SOX5: variants seen among roughly 807,000 people sequenced by gnomAD.
The protein encoded by SOX5 is SRY-box transcription factor 5, also known as transcription factor SOX-5.
In SOX5, 9 loss-of-function variants were observed where a neutral mutation model predicts 92.0. That is an observed-to-expected ratio of 0.10 (90% confidence interval 0.06 to 0.17). The LOEUF (loss-of-function observed/expected upper bound fraction) is 0.17. Ranked by LOEUF, SOX5 falls within the 10% of genes least tolerant of loss-of-function variation. The pLI is 1.00. For missense variants in SOX5, 642 were observed against 944.5 expected (o/e 0.68, Z 4.20); for synonymous variants, 344 against 336.3 (o/e 1.02, Z -0.25).
intron 1 of SOX5, among the ~76,000 whole-genome samples, chr12:24,449,514 G>A (rs1020448389): frequency 3.9e-5 from 6 of 152,128 alleles, no homozygotes; most frequent in South Asian, 2.1e-4. Context: ...AGCAGTTACC[G>A]CTCGTTGACA....
intron 1 of SOX5, among the ~76,000 whole-genome samples, chr12:24,467,994 A>G (rs531039199): frequency 1.3e-3 from 202 of 152,280 alleles, no homozygotes; most frequent in African/African-American, 4.8e-3. Context: ...AAGATAACAT[A>G]ATTAGAATTT....
chr12:24,017,386 G>A (rs1454219955), intron 4 of SOX5, among the ~76,000 whole-genome samples: 1 of 151,912 alleles, frequency 6.6e-6, no homozygotes, highest in African/African-American at 2.4e-5. Flanking sequence ...ATCACTTGAG[G>A]CCAGTTCAAG....
chr12:23,572,568 GA>G (rs1948544232), intron 10 of SOX5, among the ~76,000 whole-genome samples: 1 of 151,866 alleles, frequency 6.6e-6, no homozygotes. Context: ...GAATGCTAAA[GA>G]AAAAATATTC....
chr12:23,777,601 T>C (rs1330580276), intron 3 of SOX5, among the ~76,000 whole-genome samples: 2 of 152,290 alleles, frequency 1.3e-5, no homozygotes, highest in East Asian at 1.9e-4. Context: ...TTGCACAGTC[T>C]AACTTATATA....
chr12:24,011,357 T>C (rs1760966862), intron 4 of SOX5, among the ~76,000 whole-genome samples: 3 of 152,220 alleles, frequency 2.0e-5, no homozygotes, highest in Non-Finnish European at 4.4e-5. Context: ...GACTTGATAA[T>C]CATCTCCTAT....
chr12:23,560,974 A>G (rs891435640), intron 11 of SOX5, among the ~76,000 whole-genome samples: 2 of 152,180 alleles, frequency 1.3e-5, no homozygotes, highest in African/African-American at 4.8e-5. Context: ...ATACTACTAC[A>G]ATGATGAAAC....
intron 2 of SOX5, among the ~76,000 whole-genome samples, chr12:24,303,018 T>C (rs1948159487): frequency 1.3e-5 from 2 of 151,980 alleles, no homozygotes; most frequent in Non-Finnish European, 2.9e-5. Context: ...CCAAGATCAG[T>C]ATGAACCAGA....
chr12:24,139,020 C>T (rs150335825), intron 4 of SOX5, among the ~76,000 whole-genome samples: 14 of 152,242 alleles, frequency 9.2e-5, no homozygotes, highest in Non-Finnish European at 7.4e-5. Flanking sequence ...CCTTACACTG[C>T]GAAACACCAG....
At chr12:23,993,383 A>C (rs1950737100) in intron 4 of SOX5, among the ~76,000 whole-genome samples, 1 of 152,194 alleles carries the variant, frequency 6.6e-6, no homozygotes, top group Non-Finnish European at 1.5e-5. Context: ...TATACCTTTC[A>C]TCTAGTTCGA....
rs144511425 is a variant in SOX5 at position 24,190,477 on chromosome 12, C to T, written c.-2+22866G>A. On this transcript the variant is annotated intron_variant, in intron 4 of 4. Coordinates refer to the SOX5 transcript ENST00000446891. ...AAAGCCCTGTCCGATTGCTCTTTTCCTATATGATGGAACTGTGGCAAGATG... is the reference window on the plus strand; with the variant it reads ...AAAGCCCTGTCCGATTGCTCTTTTCTTATATGATGGAACTGTGGCAAGATG... 8.5e-5 allele frequency among the ~76,000 whole-genome samples: 13 copies of T among 152,302 alleles called. No individual in the cohort carries two copies. The East Asian group carries it at 2.5e-3, about 29-fold the overall frequency.
chr12:23,930,389 T>C (rs990192869), intron 1 of SOX5, among the ~76,000 whole-genome samples: 2 of 151,780 alleles, frequency 1.3e-5, no homozygotes, highest in African/African-American at 2.4e-5. Flanking sequence ...GTTTTGAAGA[T>C]CAGGCTCAAG....
chr12:24,125,770 C>T (rs111359802), intron 4 of SOX5, among the ~76,000 whole-genome samples: 65 of 152,292 alleles, frequency 4.3e-4, no homozygotes, highest in Middle Eastern at 3.4e-3. Context: ...CCCTGGATAT[C>T]ACTTTACCTC....
intron 1 of SOX5, among the ~76,000 whole-genome samples, chr12:23,903,646 T>C (rs903228448): frequency 6.6e-6 from 1 of 152,176 alleles, no homozygotes; most frequent in Non-Finnish European, 1.5e-5. Context: ...ACACTGAATA[T>C]GAATATGCAA....
At chr12:24,107,763 C>T (rs1351819847) in intron 4 of SOX5, among the ~76,000 whole-genome samples, 5 of 152,210 alleles carry the variant, frequency 3.3e-5, no homozygotes, top group African/African-American at 7.2e-5. Flanking sequence ...GTGTTGATGC[C>T]GGGCTTAAAG....
intron 3 of SOX5, among the ~76,000 whole-genome samples, chr12:24,223,578 G>A (rs1961061211): frequency 6.6e-6 from 1 of 151,976 alleles, no homozygotes; most frequent in Non-Finnish European, 1.5e-5. Context: ...ATGTAGCAAG[G>A]CCATCTTTAT....
chr12:23,744,039 G>T (rs1369170147), intron 4 of SOX5, among the ~76,000 whole-genome samples: 3 of 152,084 alleles, frequency 2.0e-5, no homozygotes, highest in Non-Finnish European at 4.4e-5. Context: ...CAAACTTTTT[G>T]AACCTTCAGC....
At chr12:24,500,582 A>G (rs563946853) in intron 1 of SOX5, among the ~76,000 whole-genome samples, 6 of 152,236 alleles carry the variant, frequency 3.9e-5, no homozygotes, top group African/African-American at 7.2e-5. Context: ...ATAAAAGCCA[A>G]CTTCTCCCCC....
intron 1 of SOX5, among the ~76,000 whole-genome samples, chr12:24,371,342 C>CA (rs1178628136): frequency 6.6e-6 from 1 of 151,758 alleles, no homozygotes; most frequent in Non-Finnish European, 1.5e-5. Flanking sequence ...ACAGATTTTT[C>CA]CCCCCCAGGG....
At chr12:24,435,762 GTTT>G (rs1321957357) in intron 1 of SOX5, among the ~76,000 whole-genome samples, 1 of 99,472 alleles carries the variant, frequency 1.0e-5, no homozygotes, top group Non-Finnish European at 2.4e-5. Context: ...ACTGTGGTTT[GTTT>G]TTTTGTTTTC....
Sources: gnomAD v4.1 joint callset for allele counts (sites outside exome capture counted in the v4.1 genomes callset) on GRCh38, gnomAD v4.1.1 for gene constraint, MANE v1.5 for transcripts, NCBI Gene and HGNC (gene_info 2026-07-23, HGNC 2026-07-21) for gene names.